Variants in ARHGEF28 observed in about 807,000 individuals in gnomAD.
The protein encoded by ARHGEF28 is Rho guanine nucleotide exchange factor 28.
ARHGEF28 carries 152 observed loss-of-function variants against 206.6 expected under a neutral mutation model. That is an observed-to-expected ratio of 0.74 (90% CI 0.64 to 0.84). The LOEUF is 0.84. ARHGEF28 is among the 40% of genes least tolerant of loss of function. ARHGEF28 has a pLI of 0.00. For missense variants in ARHGEF28, 2,028 were observed against 2,073.2 expected (o/e 0.98, Z 0.42); for synonymous variants, 763 against 776.4 (o/e 0.98, Z 0.29).
At chr5:73,668,569 C>T (rs1036519580) in intron 1 of ARHGEF28, among the ~76,000 whole-genome samples, 1 of 152,186 alleles carries the variant, frequency 6.6e-6, no homozygotes, top group African/African-American at 2.4e-5. Flanking sequence ...TACTGTTGCA[C>T]GGGGTTTAAG....
chr5:73,894,100 T>G (rs1761812802), intron 28 of ARHGEF28, among the ~76,000 whole-genome samples: 1 of 152,112 alleles, frequency 6.6e-6, no homozygotes, highest in Admixed American at 6.5e-5. Context: ...GAAAACAGCC[T>G]GAACAAACAA....
At chr5:73,787,420 G>T (rs7720278) in intron 7 of ARHGEF28, among the ~76,000 whole-genome samples, 9,507 of 152,122 alleles carry the variant, frequency 0.062, 487 homozygotes, top group African/African-American at 0.14. Flanking sequence ...TAAGTTCTGG[G>T]ATACATGTGC....
intron 9 of ARHGEF28, among the ~76,000 whole-genome samples, chr5:73,798,653 A>G (rs1754966021): frequency 6.6e-6 from 1 of 152,184 alleles, no homozygotes; most frequent in Non-Finnish European, 1.5e-5. Context: ...TTCATATTCT[A>G]GGCAGGTAGG....
At chr5:73,635,847 G>A (rs1743680652) in intron 1 of ARHGEF28, among the ~76,000 whole-genome samples, 1 of 152,130 alleles carries the variant, frequency 6.6e-6, no homozygotes, top group African/African-American at 2.4e-5. Flanking sequence ...TGGAGAAAAA[G>A]AACAATGCAC....
chr5:73,656,980 C>G (rs1745247746), intron 1 of ARHGEF28, among the ~76,000 whole-genome samples: 1 of 151,894 alleles, frequency 6.6e-6, no homozygotes, highest in Non-Finnish European at 1.5e-5. Context: ...ACCATCCTGG[C>G]TAACATGGTG....
rs976267336 is a variant in ARHGEF28 at position 73,893,230 on chromosome 5, A to T, written c.3600A>T (p.Glu1200Asp). 13 of 1,558,600 alleles carry T rather than the reference A, an allele frequency of 8.3e-6. No homozygotes were observed. Among genetic ancestry groups the T allele is most frequent in the Non-Finnish European group, 1.1e-5 (13 of 1,151,542 alleles). ...CPEEKGGRTS[E>D]SDEDKRKAEA... is the part of the protein sequence containing the mutation. ...AAGAAAAAGGGGGAAGGACAAGTGA[A>T]TCTGATGAAGACAAGAGGAAAGCTG... is the stretch of plus-strand genomic sequence containing the variant. The change falls in exon 28 of 36, where the codon GAA becomes GAT. Residue 1200 changes from glutamate to aspartate, a missense_variant. Glu to Asp is a conservative substitution (Grantham distance 45). Around this residue, in one of 3 missense-constraint regions of ARHGEF28, gnomAD observed 803 missense variants for 768.0 expected, o/e 1.05. Transcript: ENST00000513042.
At chr5:73,829,197 A>G (rs1047459187) in intron 9 of ARHGEF28, among the ~76,000 whole-genome samples, 1 of 152,342 alleles carries the variant, frequency 6.6e-6, no homozygotes, top group Non-Finnish European at 1.5e-5. Flanking sequence ...AAACACAAAG[A>G]TGACATTGAA....
intron 35 of ARHGEF28, among the ~76,000 whole-genome samples, chr5:73,936,365 T>C (rs1764417771): frequency 6.6e-6 from 1 of 152,252 alleles, no homozygotes; most frequent in Admixed American, 6.5e-5. Context: ...GATATAGTGC[T>C]GGGACAAGTG....
intron 1 of ARHGEF28, among the ~76,000 whole-genome samples, chr5:73,636,713 A>G (rs1266696517): frequency 1.3e-5 from 2 of 152,212 alleles, no homozygotes; most frequent in African/African-American, 4.8e-5. Context: ...AAGTCTTAGC[A>G]TTGCCACTGA....
chr5:73,706,427 C>G (rs567290451), intron 2 of ARHGEF28, among the ~76,000 whole-genome samples: 1 of 151,964 alleles, frequency 6.6e-6, no homozygotes, highest in East Asian at 1.9e-4. Context: ...GTTAAATATC[C>G]CATGGAGAAA....
At chr5:73,753,223 T>G (rs766204715) in intron 4 of ARHGEF28, 21 bp downstream of exon 4, 2 of 1,515,284 alleles carry the variant, frequency 1.3e-6, no homozygotes, top group Non-Finnish European at 1.8e-6. Flanking sequence ...ACCAGAAAAT[T>G]CAGATATCCC....
At chr5:73,782,435 C>G (rs2112463717) in intron 7 of ARHGEF28, among the ~76,000 whole-genome samples, 1 of 152,064 alleles carries the variant, frequency 6.6e-6, no homozygotes, top group Non-Finnish European at 1.5e-5. Flanking sequence ...GAGACTCCAT[C>G]TCAAAAAACA....
rs1371707183 is a variant in ARHGEF28, at chr5:73,795,355, C to T, written c.988C>T (p.His330Tyr). ...GCGTGTCAAAAGCCTGGTGGTTCAA[C>T]ACAATGAACATGAAGACCAGCACAG... ...IKRVKSLVVQ[H>Y]NEHEDQHSLD... The change falls in exon 9 of 36, where the codon CAC (histidine) becomes TAC (tyrosine). Residue 330 changes from histidine (H) to tyrosine (Y), a missense_variant. His to Tyr is a moderately conservative substitution (Grantham distance 83). Transcript: ENST00000513042. The T allele has an allele frequency of 6.2e-7, 1 of 1,613,848 alleles. No homozygotes were observed. The highest frequency in any genetic ancestry group is 8.5e-7 in the Non-Finnish European group (1 of 1,179,814).
At chr5:73,728,517 A>G (rs1441008155) in intron 2 of ARHGEF28, among the ~76,000 whole-genome samples, 1 of 152,258 alleles carries the variant, frequency 6.6e-6, no homozygotes, top group African/African-American at 2.4e-5. Context: ...AGCAAGTAAT[A>G]TAACAAAGCC....
rs1002043441 is a variant in ARHGEF28 at position 73,692,262 on chromosome 5, G to A, written c.33+7378G>A. 3.9e-5 allele frequency among the ~76,000 whole-genome samples: 6 copies of A among 151,996 alleles called. 1 individual carries two copies. Among genetic ancestry groups the A allele is most frequent in the Middle Eastern group, 6.8e-3 (2 of 294 alleles). The stretch of plus-strand genomic sequence containing the variant: ...GAGATTTTTTTTAACATCTGCAGAG[G>A]GTGCATGTGTGAGACTGTGTGTGTG... On this transcript the variant is annotated intron_variant, in intron 2 of 35. Coordinates refer to ENST00000513042, the MANE Select transcript of ARHGEF28 (RefSeq NM_001177693.2).
intron 35 of ARHGEF28, among the ~76,000 whole-genome samples, chr5:73,913,748 A>G (rs939616249): frequency 6.6e-6 from 1 of 152,190 alleles, no homozygotes; most frequent in Non-Finnish European, 1.5e-5. Flanking sequence ...ACTACTGAGG[A>G]TCTCCATAGT....
At chr5:73,872,558 A>C (rs180780998) in intron 21 of ARHGEF28, among the ~76,000 whole-genome samples, 33 of 152,316 alleles carry the variant, frequency 2.2e-4, no homozygotes, top group Non-Finnish European at 4.4e-4. Flanking sequence ...TCTGCATTGA[A>C]GAACTTTCTT....
chr5:73,870,011 A>C (rs1049965133), intron 20 of ARHGEF28, 58 bp from the exon 21 acceptor site: 7 of 1,550,060 alleles, frequency 4.5e-6, no homozygotes, highest in Admixed American at 1.9e-5. Flanking sequence ...AAATATACGA[A>C]GGTATATTTG....
chr5:73,840,802 G>A (rs1391318866), intron 11 of ARHGEF28, 42 bp downstream of exon 11: 14 of 1,555,238 alleles, frequency 9.0e-6, no homozygotes, highest in Non-Finnish European at 1.1e-5. Context: ...GAACATCAAA[G>A]AACCTTATAG....
Sources: allele counts gnomAD v4.1 joint callset (sites outside exome capture counted in the v4.1 genomes callset), GRCh38; gene constraint gnomAD v4.1.1; regional missense constraint gnomAD v4.1.1; transcripts MANE v1.5; gene names NCBI Gene and HGNC (gene_info 2026-07-23, HGNC 2026-07-21).